FBN1: variants seen among roughly 807,000 people sequenced by gnomAD.
The protein encoded by FBN1 is fibrillin-1.
Under a neutral mutation model 365.1 loss-of-function variants are expected in FBN1, and 29 were observed. The ratio of observed to expected loss-of-function variants is 0.08; its 90% CI spans 0.06 to 0.11. FBN1 has a LOEUF of 0.11. FBN1 is among the 10% of genes least tolerant of loss of function. The pLI is 1.00. For synonymous variants in FBN1, 1,210 were observed against 1,270.5 expected (o/e 0.95, Z 1.01); for missense variants, 2,476 against 3,703.2 (o/e 0.67, Z 8.60).
In FBN1 at chr15:48,492,453, G is replaced by T; in HGVS notation, c.2854+8C>A. ...TATTATTAGAAAAATAATGAGCTCAGTATTTACCAAGACAGATCCTTCCTG... is the reference window on the plus strand; with the variant it reads ...TATTATTAGAAAAATAATGAGCTCATTATTTACCAAGACAGATCCTTCCTG... On this transcript the variant is annotated splice_region_variant and intron_variant, in intron 24 of 65. Transcript: ENST00000316623. 1 of 1,611,692 alleles carries T rather than the reference G, an allele frequency of 6.2e-7. No individual in the cohort carries two copies. Among genetic ancestry groups the T allele is most frequent in the Non-Finnish European group, 8.5e-7 (1 of 1,177,912 alleles).
intron 13 of FBN1, 135 bp from the exon 14 acceptor site, chr15:48,510,304 A>C: frequency 1.2e-6 from 1 of 823,874 alleles, no homozygotes; most frequent in East Asian, 2.8e-5. Context: ...CTCCAACATA[A>C]ATTGGTTATC....
At chr15:48,502,947 A>G (rs900732050) in intron 17 of FBN1, among the ~76,000 whole-genome samples, 10 of 152,170 alleles carry the variant, frequency 6.6e-5, no homozygotes, top group African/African-American at 2.4e-4. Context: ...TCATTAGGCC[A>G]TGTCACTTCA....
intron 63 of FBN1, 51 bp downstream of exon 63, chr15:48,420,636 T>C (rs1290856028): frequency 3.7e-6 from 6 of 1,612,070 alleles, no homozygotes; most frequent in Non-Finnish European, 5.1e-6. Flanking sequence ...AGTGTTTTGC[T>C]TCATAGGACC....
rs1480832655 is a variant in FBN1, at chr15:48,428,458, A to G, written c.6885T>C (p.Cys2295=). The change falls in exon 57 of 66, where the codon TGT becomes TGC. Residue 2295 remains cysteine (C), a synonymous_variant. Transcript: ENST00000316623. The part of the protein sequence containing the change: ...DGEGCVDENE[C]QTKPGICENG... Reference sequence around the variant, plus strand: ...TCTCACAGATCCCTGGCTTCGTCTGACATTCATTCTCATCTGTTTGATTTT... The same window carrying G: ...TCTCACAGATCCCTGGCTTCGTCTGGCATTCATTCTCATCTGTTTGATTTT... 1.2e-6 allele frequency: 2 copies of G among 1,613,978 alleles called. No individual in the cohort carries two copies. The highest frequency in any genetic ancestry group is 1.3e-5 in the African/African-American group (1 of 74,928).
intron 6 of FBN1, among the ~76,000 whole-genome samples, chr15:48,587,184 A>G (rs1480259531): frequency 6.6e-6 from 1 of 152,176 alleles, no homozygotes; most frequent in Non-Finnish European, 1.5e-5. Context: ...ATGTTCATAA[A>G]CCAAAAACAG....
intron 2 of FBN1, among the ~76,000 whole-genome samples, chr15:48,623,968 A>AACACAAAC (rs1889820037): frequency 6.8e-6 from 1 of 146,398 alleles, no homozygotes; most frequent in Non-Finnish European, 1.5e-5. Flanking sequence ...CAAAGACACA[A>AACACAAAC]ACACACACAC....
At chr15:48,487,470 G>T (rs1312589408) in intron 27 of FBN1, 33 bp from the exon 28 acceptor site, 60 of 1,611,124 alleles carry the variant, frequency 3.7e-5, no homozygotes, top group Non-Finnish European at 4.9e-5. Context: ...TTAAAGGTGG[G>T]GGCCTCATCT....
intron 2 of FBN1, among the ~76,000 whole-genome samples, chr15:48,623,186 A>G (rs1889801321): frequency 6.6e-6 from 1 of 152,246 alleles, no homozygotes; most frequent in South Asian, 2.1e-4. Flanking sequence ...TACGAAGTAC[A>G]ATTAGCAAAG....
chr15:48,442,904 T>C (rs1390991507), intron 49 of FBN1, among the ~76,000 whole-genome samples: 1 of 152,216 alleles, frequency 6.6e-6, no homozygotes, highest in African/African-American at 2.4e-5. Flanking sequence ...CAAAATATCC[T>C]TGTATCCTGG....
intron 2 of FBN1, chr15:48,644,251 C>G: frequency 3.6e-6 from 1 of 277,892 alleles, no homozygotes; most frequent in East Asian, 7.6e-5. Context: ...AAAGTACTTT[C>G]CTCTAGAAAC....
chr15:48,439,205 T>C (rs2043094630), intron 50 of FBN1, among the ~76,000 whole-genome samples: 1 of 152,374 alleles, frequency 6.6e-6, no homozygotes, highest in African/African-American at 2.4e-5. Context: ...CCAAGTTATG[T>C]AAATCAAATT....
chr15:48,450,557 AAG>A (rs2043193216), intron 45 of FBN1, among the ~76,000 whole-genome samples: 1 of 152,324 alleles, frequency 6.6e-6, no homozygotes, highest in South Asian at 2.1e-4. Flanking sequence ...TCAACAGAGA[AAG>A]AGAGGAAACC....
rs768078387 is a variant in FBN1, at chr15:48,437,089, G to GA, written c.6380-13dup. On this transcript the variant is annotated splice_polypyrimidine_tract_variant and intron_variant, in intron 52 of 65. Transcript: ENST00000316623. Reference sequence around the variant, plus strand: ...GCATTCGTCCATATCTTAAGCAAGAGAAAAAAAATAGTGAATAACAAGGTA... The same window carrying GA: ...GCATTCGTCCATATCTTAAGCAAGAGAAAAAAAAATAGTGAATAACAAGGTA... 62 of 1,552,438 alleles carry GA rather than the reference G, an allele frequency of 4.0e-5. No individual in the cohort carries two copies. In the East Asian group the frequency reaches 5.2e-4, roughly 13 times the overall value.
Position 48,473,800 on chromosome 15 carries a change from A to G in FBN1, c.4210+455T>C, listed in dbSNP as rs1345593995. On this transcript the variant is annotated intron_variant, in intron 34 of 65. Coordinates refer to ENST00000316623, the MANE Select transcript of FBN1 (RefSeq NM_000138.5). ...GTACAGAAAGGAAGTCATTGGTGAG[A>G]AATAGGCAAAAAAAAAATAATAATA... Among the ~76,000 whole-genome samples, 3 of 152,022 alleles carry G rather than the reference A, an allele frequency of 2.0e-5. No homozygotes were observed. The East Asian group carries it at 5.8e-4, about 29-fold the overall frequency.
intron 4 of FBN1, among the ~76,000 whole-genome samples, chr15:48,605,270 G>GTAAATAAAAATAAAACTA (rs2044598349): frequency 6.6e-6 from 1 of 152,014 alleles, no homozygotes; most frequent in Non-Finnish European, 1.5e-5. Flanking sequence ...CAAAGAATAA[G>GTAAATAAAAATAAAACTA]TAAATAAAAA....
At chr15:48,600,535 C>T (rs759966845) in intron 4 of FBN1, among the ~76,000 whole-genome samples, 1 of 152,122 alleles carries the variant, frequency 6.6e-6, no homozygotes, top group Non-Finnish European at 1.5e-5. Context: ...GGAACCCCGT[C>T]CCTACTAAAA....
chr15:48,416,324 G>A (rs1389431228), intron 63 of FBN1, among the ~76,000 whole-genome samples: 1 of 152,124 alleles, frequency 6.6e-6, no homozygotes, highest in African/African-American at 2.4e-5. Flanking sequence ...TGCCCCAAGT[G>A]TCTGCCCCAC....
intron 45 of FBN1, 23 bp downstream of exon 45, chr15:48,452,539 C>T (rs770878437): frequency 1.2e-5 from 19 of 1,613,910 alleles, no homozygotes; most frequent in Non-Finnish European, 1.5e-5. Flanking sequence ...GTAGGCATGT[C>T]CAGCCTGTGG....
At chr15:48,562,610 A>C (rs2044231374) in intron 6 of FBN1, among the ~76,000 whole-genome samples, 1 of 152,190 alleles carries the variant, frequency 6.6e-6, no homozygotes, top group East Asian at 1.9e-4. Context: ...TTTCATTTTC[A>C]AGGACAAAGA....
Sources: gnomAD v4.1 joint callset for allele counts (sites outside exome capture counted in the v4.1 genomes callset) on GRCh38, gnomAD v4.1.1 for gene constraint, MANE v1.5 for transcripts, NCBI Gene and HGNC (gene_info 2026-07-23, HGNC 2026-07-21) for gene names.